The following CHN2 variants were observed in gnomAD, a reference collection of about 807,000 sequenced individuals.
The protein encoded by CHN2 is beta-chimaerin.
Under a neutral mutation model 56.3 loss-of-function variants are expected in CHN2, and 35 were observed. That is an observed-to-expected ratio of 0.62 (90% CI 0.47 to 0.82). The LOEUF (loss-of-function observed/expected upper bound fraction) is 0.82, where lower values mean the gene tolerates loss of function less well. Among genes scored for constraint, CHN2 ranks in the 40% least tolerant of loss-of-function variants. CHN2 has a pLI of 0.00. For missense variants in CHN2, 491 were observed against 580.5 expected, an observed-to-expected ratio of 0.85 and a Z score of 1.58; for synonymous variants, 210 against 212.8, an observed-to-expected ratio of 0.99 and a Z score of 0.12.
At chr7:29,441,582 A>C (rs1783649925) in intron 6 of CHN2, among the ~76,000 whole-genome samples, 1 of 152,254 alleles carries the variant, frequency 6.6e-6, no homozygotes, top group Admixed American at 6.5e-5. Flanking sequence ...GTTATATTTC[A>C]ACAACCAAAA....
At position 29,370,416 on chromosome 7, in the gene CHN2, G is replaced by A. The variant is rs2128043726; in HGVS notation, c.144+2429G>A. ...TTACATATTTACATAAAGCAGTAAA[G>A]GCTGTTTATTTTAAACAATGAGTTA... is the stretch of plus-strand genomic sequence containing the variant. On this transcript the variant is annotated intron_variant, in intron 3 of 12. Transcript: ENST00000222792. 1.3e-5 allele frequency among the ~76,000 whole-genome samples: 2 copies of A among 152,244 alleles called. 1 individual carries two copies. The highest frequency in any genetic ancestry group is 4.2e-4 in the South Asian group (2 of 4,810).
At chr7:29,319,754 A>G (rs1795208418) in intron 1 of CHN2, among the ~76,000 whole-genome samples, 2 of 152,098 alleles carry the variant, frequency 1.3e-5, no homozygotes, top group East Asian at 1.9e-4. Flanking sequence ...TCTGTTCACA[A>G]TATTGCAGTG....
intron 8 of CHN2, 65 bp downstream of exon 8, chr7:29,496,101 C>CATT: frequency 7.5e-7 from 1 of 1,332,060 alleles, no homozygotes; most frequent in South Asian, 1.3e-5. Context: ...TGGAGGATGT[C>CATT]TCTCCAGAGC....
intron 1 of CHN2, chr7:29,212,665 C>G: frequency 6.8e-7 from 1 of 1,465,198 alleles, no homozygotes; most frequent in Non-Finnish European, 9.6e-7. Flanking sequence ...ACCTTAGCCT[C>G]CAGCAGATGC....
At chr7:29,341,646 AT>A (rs1797061357) in intron 1 of CHN2, among the ~76,000 whole-genome samples, 1 of 152,044 alleles carries the variant, frequency 6.6e-6, no homozygotes. Context: ...AGTTAGTGAG[AT>A]TTTACTTTAT....
At chr7:29,218,984 A>G in intron 1 of CHN2, among the ~76,000 whole-genome samples, 1 of 86,406 alleles carries the variant, frequency 1.2e-5, no homozygotes, top group East Asian at 8.6e-4. Context: ...AATAGAAGGA[A>G]AAAAAAAGTT....
intron 3 of CHN2, among the ~76,000 whole-genome samples, chr7:29,369,236 A>G (rs1189946295): frequency 6.6e-6 from 1 of 152,196 alleles, no homozygotes; most frequent in Non-Finnish European, 1.5e-5. Flanking sequence ...CAGAAAAATT[A>G]TTGCCATGTG....
chr7:29,479,524 G>A (rs1786900920), intron 6 of CHN2: 3 of 314,922 alleles, frequency 9.5e-6, no homozygotes. Context: ...TAAAAATTAA[G>A]CTTTCAAGTG....
chr7:29,473,630 T>C (rs1365310508), intron 6 of CHN2, among the ~76,000 whole-genome samples: 2 of 151,928 alleles, frequency 1.3e-5, no homozygotes, highest in Non-Finnish European at 2.9e-5. Flanking sequence ...AAATGCAGAT[T>C]CTCTGGCCTG....
rs1464780632 is a variant in CHN2 at position 29,175,391 on chromosome 7, G to C, written c.274+28431G>C. On this transcript the variant is annotated intron_variant, in intron 2 of 6. Coordinates refer to the CHN2 transcript ENST00000439384. ...GGGTTTCACCATATTGGCAAGGCTG[G>C]TCTCAAACTCCAGACTTCGGGTTTT... Among the ~76,000 whole-genome samples the C allele has an allele frequency of 3.3e-5, 5 of 151,950 alleles. No individual in the cohort carries two copies. In the East Asian group the frequency reaches 9.7e-4, roughly 29 times the overall value.
At chr7:29,252,969 A>G (rs1375941914) in intron 1 of CHN2, among the ~76,000 whole-genome samples, 2 of 152,192 alleles carry the variant, frequency 1.3e-5, no homozygotes, top group Non-Finnish European at 2.9e-5. Context: ...TATTTTCTAC[A>G]GGACCATCCA....
intron 1 of CHN2, among the ~76,000 whole-genome samples, chr7:29,306,141 G>T (rs1334257384): frequency 6.6e-6 from 1 of 152,114 alleles, no homozygotes. Context: ...GATTTGTTAT[G>T]GAAGCTGGTA....
chr7:29,502,428 A>G (rs1483055694), intron 9 of CHN2, among the ~76,000 whole-genome samples: 1 of 152,190 alleles, frequency 6.6e-6, no homozygotes, highest in African/African-American at 2.4e-5. Context: ...CAGAAGCTGT[A>G]AATGTCACTT....
At chr7:29,433,032 T>G (rs1236714047) in intron 6 of CHN2, among the ~76,000 whole-genome samples, 2 of 152,238 alleles carry the variant, frequency 1.3e-5, no homozygotes, top group Non-Finnish European at 2.9e-5. Flanking sequence ...ATATAGTTTT[T>G]CCATCAGAGG....
intron 4 of CHN2, among the ~76,000 whole-genome samples, 195 bp downstream of exon 4, chr7:29,393,905 T>G (rs1189016901): frequency 6.6e-6 from 1 of 152,190 alleles, no homozygotes; most frequent in African/African-American, 2.4e-5. Context: ...TCCATTAATG[T>G]GGGAGGTAGA....
At chr7:29,251,536 G>T (rs554502662) in intron 1 of CHN2, among the ~76,000 whole-genome samples, 14 of 152,268 alleles carry the variant, frequency 9.2e-5, no homozygotes, top group South Asian at 4.1e-4. Flanking sequence ...GTTGTTATAG[G>T]GATGAGATAT....
chr7:29,167,941 G>C (rs13237997), intron 2 of CHN2, among the ~76,000 whole-genome samples: 3 of 152,038 alleles, frequency 2.0e-5, no homozygotes, highest in Admixed American at 6.5e-5. Flanking sequence ...CTACAACATC[G>C]GAGGTAACTG....
chr7:29,195,627 A>T lies in CHN2; in HGVS notation c.49+637A>T, dbSNP rs62444103. 7.3e-3 allele frequency among the ~76,000 whole-genome samples: 852 copies of T among 116,710 alleles called. 3 individuals carry two copies. The highest frequency in any genetic ancestry group is 0.018 in the Middle Eastern group (4 of 228). The allele number at this position is 116,710 out of a possible 152,430, so 76.6% of individuals were successfully genotyped here. A position where few individuals can be genotyped will look rare whatever the true frequency, so the allele number is the denominator to read the frequency against. On this transcript the variant is annotated intron_variant, in intron 1 of 12. Coordinates refer to ENST00000222792, the MANE Select transcript of CHN2 (RefSeq NM_004067.4). The stretch of plus-strand genomic sequence containing the variant: ...GAGAGAGAGAGAGAGAGAGAGAGAG[A>T]GAGTGTGTGTGTGTGTGTGTGTGAG...
chr7:29,318,046 G>C (rs1370389826), intron 1 of CHN2, among the ~76,000 whole-genome samples: 2 of 152,194 alleles, frequency 1.3e-5, no homozygotes, highest in African/African-American at 2.4e-5. Flanking sequence ...CCAGGGTGGA[G>C]AATGTAGATG....
Sources: allele counts gnomAD v4.1 joint callset (sites outside exome capture counted in the v4.1 genomes callset), GRCh38; gene constraint gnomAD v4.1.1; transcripts MANE v1.5; gene names NCBI Gene and HGNC (gene_info 2026-07-23, HGNC 2026-07-21).